Variants in CDKAL1 observed in about 807,000 individuals in gnomAD.
CDKAL1 encodes the protein CDKAL1 threonylcarbamoyladenosine tRNA methylthiotransferase, also known as threonylcarbamoyladenosine tRNA methylthiotransferase.
CDKAL1 carries 32 observed loss-of-function variants against 68.2 expected under a neutral mutation model. The ratio of observed to expected loss-of-function variants is 0.47; its 90% CI spans 0.35 to 0.63. CDKAL1 has a LOEUF of 0.63. Ranked by LOEUF, CDKAL1 falls within the 30% of genes least tolerant of loss-of-function variation. The pLI, the probability that CDKAL1 is intolerant of heterozygous loss-of-function variation, is 0.00. For missense variants in CDKAL1, 606 were observed against 696.7 expected, an observed-to-expected ratio of 0.87 and a Z score of 1.47; for synonymous variants, 234 against 244.3, an observed-to-expected ratio of 0.96 and a Z score of 0.39.
chr6:21,093,917 A>C lies in CDKAL1; in HGVS notation c.1237-14484A>C, dbSNP rs562221680. 2.2e-4 allele frequency among the ~76,000 whole-genome samples: 27 copies of C among 123,226 alleles called. No homozygotes were observed. The East Asian group carries it at 8.1e-3, about 37-fold the overall frequency. The allele number at this position is 123,226 out of a possible 152,430, so 80.8% of individuals were successfully genotyped here. A position where few individuals can be genotyped will look rare whatever the true frequency, so the allele number is the denominator to read the frequency against. ...GGCTTTTTTTTTTTTTTTTTTGTAG[A>C]GACAGGGTCTTACTATCTTGTCCAG... On this transcript the variant is annotated intron_variant, in intron 12 of 15. Transcript: ENST00000274695.
At chr6:21,142,930 A>G (rs1390506955) in intron 13 of CDKAL1, among the ~76,000 whole-genome samples, 2 of 152,196 alleles carry the variant, frequency 1.3e-5, no homozygotes, top group East Asian at 3.9e-4. Context: ...AAAACTCATA[A>G]GCTTTACTTA....
chr6:20,771,077 G>A (rs908074881), intron 7 of CDKAL1, among the ~76,000 whole-genome samples: 25 of 152,082 alleles, frequency 1.6e-4, no homozygotes, highest in African/African-American at 5.1e-4. Flanking sequence ...TCAAAGTAGT[G>A]GCTCAAGATA....
At chr6:20,954,149 TA>T (rs1205629020) in intron 9 of CDKAL1, among the ~76,000 whole-genome samples, 2 of 152,188 alleles carry the variant, frequency 1.3e-5, no homozygotes, top group African/African-American at 4.8e-5. Flanking sequence ...TTTCTTATGC[TA>T]AAGGAAAGAA....
intron 12 of CDKAL1, among the ~76,000 whole-genome samples, chr6:21,088,919 G>A (rs1374821017): frequency 2.0e-5 from 3 of 152,254 alleles, no homozygotes; most frequent in Middle Eastern, 3.4e-3. Context: ...CCCTGCCTGG[G>A]CAACAGAGCA....
intron 8 of CDKAL1, among the ~76,000 whole-genome samples, chr6:20,839,221 A>AT (rs1238676723): frequency 6.6e-6 from 1 of 152,050 alleles, no homozygotes; most frequent in African/African-American, 2.4e-5. Flanking sequence ...AACTCGATGG[A>AT]TTTTTTTGCT....
intron 11 of CDKAL1, among the ~76,000 whole-genome samples, chr6:21,033,066 G>A (rs982111736): frequency 3.9e-5 from 6 of 152,158 alleles, no homozygotes; most frequent in South Asian, 2.1e-4. Flanking sequence ...AAGCACGTTC[G>A]TTTGCCAGTT....
At chr6:20,654,416 T>C (rs1768930893) in intron 5 of CDKAL1, among the ~76,000 whole-genome samples, 1 of 152,168 alleles carries the variant, frequency 6.6e-6, no homozygotes, top group African/African-American at 2.4e-5. Flanking sequence ...GCTTATCTTT[T>C]CATTTTCTTT....
At chr6:20,933,832 A>C (rs1581859134) in intron 9 of CDKAL1, among the ~76,000 whole-genome samples, 1 of 152,174 alleles carries the variant, frequency 6.6e-6, no homozygotes, top group East Asian at 1.9e-4. Context: ...TTGTAATTTA[A>C]GGACGTTTTA....
intron 10 of CDKAL1, chr6:20,993,392 T>C (rs1581984838): frequency 6.6e-6 from 1 of 152,258 alleles, no homozygotes; most frequent in East Asian, 1.9e-4. Context: ...ATTTTGAACA[T>C]GCATGTACTT....
chr6:20,819,846 TA>T (rs1777202002), intron 8 of CDKAL1, among the ~76,000 whole-genome samples: 2 of 152,026 alleles, frequency 1.3e-5, no homozygotes, highest in Non-Finnish European at 2.9e-5. Context: ...TTTTATTTAT[TA>T]TTTTTATTAA....
At chr6:20,881,392 GATATATAA>G (rs1760810948) in intron 9 of CDKAL1, among the ~76,000 whole-genome samples, 1 of 152,154 alleles carries the variant, frequency 6.6e-6, no homozygotes, top group Non-Finnish European at 1.5e-5. Flanking sequence ...TTGTATATGT[GATATATAA>G]ATTGATAAAC....
intron 9 of CDKAL1, among the ~76,000 whole-genome samples, chr6:20,928,689 T>C (rs2150668394): frequency 1.5e-5 from 1 of 65,590 alleles, no homozygotes; most frequent in African/African-American, 4.6e-5. Context: ...AATATTCTTT[T>C]TTTTTTTTTT....
intron 13 of CDKAL1, among the ~76,000 whole-genome samples, chr6:21,128,792 A>G (rs535002823): frequency 9.8e-5 from 15 of 152,368 alleles, no homozygotes; most frequent in African/African-American, 1.2e-4. Context: ...TTCAAGAGGA[A>G]TGACAACCTT....
At chr6:20,896,225 C>T (rs1015157577) in intron 9 of CDKAL1, among the ~76,000 whole-genome samples, 7 of 151,516 alleles carry the variant, frequency 4.6e-5, no homozygotes, top group African/African-American at 7.3e-5. Flanking sequence ...CTCAGCCTCC[C>T]GAGTAGCTGA....
rs149771059 is a variant in CDKAL1 at position 20,607,776 on chromosome 6, C to T, written c.287-41517C>T. On this transcript the variant is annotated intron_variant, in intron 4 of 15. Transcript: ENST00000274695. ...GTGGTGCGATCTCAGCTCACTGCAACCTCCGCCTCCCAGGTTCAAGCAATT... is the reference window on the plus strand; with the variant it reads ...GTGGTGCGATCTCAGCTCACTGCAATCTCCGCCTCCCAGGTTCAAGCAATT... Among the ~76,000 whole-genome samples, 838 of 151,950 alleles carry T rather than the reference C, an allele frequency of 5.5e-3. 11 individuals carry two copies. Among genetic ancestry groups the T allele is most frequent in the African/African-American group, 0.019 (797 of 41,436 alleles).
Position 21,177,692 on chromosome 6 carries a change from A to T in CDKAL1, c.1300-20329A>T, listed in dbSNP as rs1011808470. Among the ~76,000 whole-genome samples the T allele has an allele frequency of 4.6e-5, 7 of 151,122 alleles. No homozygotes were observed. The East Asian group carries it at 1.2e-3, about 25-fold the overall frequency. ...TTTTTTTTTTTTCAGTAGCAAAGAG[A>T]TATATTATCTCCAAAATGGCTAATG... On this transcript the variant is annotated intron_variant, in intron 13 of 15. Coordinates refer to ENST00000274695, the MANE Select transcript of CDKAL1 (RefSeq NM_017774.3).
intron 12 of CDKAL1, among the ~76,000 whole-genome samples, chr6:21,085,652 T>C (rs1324456458): frequency 6.6e-6 from 1 of 152,180 alleles, no homozygotes; most frequent in Admixed American, 6.6e-5. Flanking sequence ...CCAGGGTTTC[T>C]AGTGAACAAT....
intron 9 of CDKAL1, among the ~76,000 whole-genome samples, chr6:20,904,025 G>T (rs2150605334): frequency 6.6e-6 from 1 of 152,282 alleles, no homozygotes; most frequent in African/African-American, 2.4e-5. Context: ...TCAGCCTTGG[G>T]GTAGGCAGCC....
At chr6:21,120,524 C>G (rs1012419971) in intron 13 of CDKAL1, among the ~76,000 whole-genome samples, 1 of 152,122 alleles carries the variant, frequency 6.6e-6, no homozygotes, top group Non-Finnish European at 1.5e-5. Context: ...AGGAAATTCT[C>G]CCTTTGTAAC....
Sources: allele counts gnomAD v4.1 joint callset (sites outside exome capture counted in the v4.1 genomes callset), GRCh38; gene constraint gnomAD v4.1.1; transcripts MANE v1.5; gene names NCBI Gene and HGNC (gene_info 2026-07-23, HGNC 2026-07-21).